ANKRD28: variants seen among roughly 807,000 people sequenced by gnomAD.
ANKRD28 encodes serine/threonine-protein phosphatase 6 regulatory ankyrin repeat subunit A.
In ANKRD28, 44 loss-of-function variants were observed where a neutral mutation model predicts 126.5. The ratio of observed to expected loss-of-function variants is 0.35; its 90% CI spans 0.27 to 0.45. The LOEUF (loss-of-function observed/expected upper bound fraction) is 0.45. Ranked by LOEUF, ANKRD28 falls within the 20% of genes least tolerant of loss-of-function variation. The pLI is 1.00. For missense variants in ANKRD28, 1,110 were observed against 1,316.6 expected, an observed-to-expected ratio of 0.84 and a Z score of 2.43; for synonymous variants, 442 against 468.5, an observed-to-expected ratio of 0.94 and a Z score of 0.73.
At chr3:15,704,809 T>C (rs1476603977) in intron 14 of ANKRD28, among the ~76,000 whole-genome samples, 3 of 152,166 alleles carry the variant, frequency 2.0e-5, no homozygotes, top group Non-Finnish European at 1.5e-5. Context: ...ATAATTACTG[T>C]GGCTTATATT....
At chr3:15,710,977 A>G (rs1323115389) in intron 12 of ANKRD28, among the ~76,000 whole-genome samples, 1 of 152,220 alleles carries the variant, frequency 6.6e-6, no homozygotes, top group Admixed American at 6.5e-5. Context: ...TACAGAAGGC[A>G]GTATTTCCTT....
intron 2 of ANKRD28, among the ~76,000 whole-genome samples, chr3:15,781,239 T>C (rs1325667400): frequency 6.6e-6 from 1 of 152,106 alleles, no homozygotes; most frequent in Non-Finnish European, 1.5e-5. Flanking sequence ...TAATTTTAGG[T>C]GTCCATCTGA....
At chr3:15,735,371 A>C (rs1243916788) in intron 6 of ANKRD28, 39 bp downstream of exon 6, 1 of 1,449,002 alleles carries the variant, frequency 6.9e-7, no homozygotes, top group Non-Finnish European at 9.4e-7. Flanking sequence ...AACTTTTCTA[A>C]ATATATAATA....
intron 1 of ANKRD28, among the ~76,000 whole-genome samples, chr3:15,857,265 C>CCATT (rs2061794009): frequency 6.6e-6 from 1 of 152,174 alleles, no homozygotes; most frequent in Non-Finnish European, 1.5e-5. Context: ...TCTCCCTGAG[C>CCATT]CATTAGGTTT....
At chr3:15,673,645 G>A (rs1374916938) in intron 27 of ANKRD28, among the ~76,000 whole-genome samples, 1 of 152,194 alleles carries the variant, frequency 6.6e-6, no homozygotes, top group African/African-American at 2.4e-5. Context: ...GTAAAGAATA[G>A]TTAGAATATG....
chr3:15,776,635 C>T (rs2059282708), intron 2 of ANKRD28, among the ~76,000 whole-genome samples: 1 of 152,172 alleles, frequency 6.6e-6, no homozygotes, highest in African/African-American at 2.4e-5. Flanking sequence ...AAGTTTTGAT[C>T]ATAAAGTGGT....
chr3:15,794,756 T>C (rs993382985), intron 2 of ANKRD28, among the ~76,000 whole-genome samples: 5 of 152,184 alleles, frequency 3.3e-5, no homozygotes, highest in Non-Finnish European at 7.3e-5. Flanking sequence ...ACACTCACCA[T>C]GATTATTTAC....
chr3:15,680,511 T>C (rs1488661623), intron 21 of ANKRD28, among the ~76,000 whole-genome samples: 1 of 151,996 alleles, frequency 6.6e-6, no homozygotes, highest in Non-Finnish European at 1.5e-5. Flanking sequence ...CCGGCTAAAA[T>C]CTTATTCTTT....
intron 2 of ANKRD28, among the ~76,000 whole-genome samples, chr3:15,795,010 A>C (rs1000098490): frequency 2.6e-5 from 4 of 152,110 alleles, no homozygotes; most frequent in Non-Finnish European, 4.4e-5. Flanking sequence ...AAAAATTTCA[A>C]AGTAAAAAGC....
chr3:15,741,970 T>C (rs1244288482), intron 4 of ANKRD28, among the ~76,000 whole-genome samples: 64 of 151,046 alleles, frequency 4.2e-4, no homozygotes, highest in African/African-American at 1.5e-3. Context: ...AGCTCCTAAC[T>C]GCGAGTGATC....
intron 2 of ANKRD28, among the ~76,000 whole-genome samples, chr3:15,786,514 G>T (rs1360679687): frequency 6.6e-6 from 1 of 152,084 alleles, no homozygotes; most frequent in African/African-American, 2.4e-5. Context: ...TCCTTTGGGA[G>T]CCATAGAAAT....
chr3:15,728,560 G>GT (rs1260852326), intron 6 of ANKRD28, among the ~76,000 whole-genome samples: 1 of 152,190 alleles, frequency 6.6e-6, no homozygotes, highest in Non-Finnish European at 1.5e-5. Flanking sequence ...CTCCCAAGAT[G>GT]TTAGGATTAC....
At position 15,700,112 on chromosome 3, in the gene ANKRD28, A is replaced by G. The variant is rs965325911; in HGVS notation, c.1548-3867T>C. Among the ~76,000 whole-genome samples the G allele has an allele frequency of 3.3e-5, 5 of 152,368 alleles. No homozygotes were observed. The South Asian group carries it at 1.0e-3, about 32-fold the overall frequency. On this transcript the variant is annotated intron_variant, in intron 14 of 27. Transcript: ENST00000683139. ...GACACAGATGAAGCTGGAAACCATC[A>G]TTCTCAGCAAACTATCACAAGATCA... is the stretch of plus-strand genomic sequence containing the variant.
intron 1 of ANKRD28, among the ~76,000 whole-genome samples, chr3:15,858,078 G>C (rs1296004639): frequency 6.6e-6 from 1 of 152,192 alleles, no homozygotes; most frequent in South Asian, 2.1e-4. Flanking sequence ...TCTGAAATGA[G>C]ATAAATGTTC....
chr3:15,739,920 C>T (rs1325676099), intron 4 of ANKRD28, among the ~76,000 whole-genome samples: 1 of 152,192 alleles, frequency 6.6e-6, no homozygotes, highest in Non-Finnish European at 1.5e-5. Flanking sequence ...AATTCCACAA[C>T]AGTGATTTAT....
At chr3:15,771,497 A>G (rs1172968532) in intron 2 of ANKRD28, among the ~76,000 whole-genome samples, 1 of 151,736 alleles carries the variant, frequency 6.6e-6, no homozygotes, top group Non-Finnish European at 1.5e-5. Flanking sequence ...GCAAAAGGAG[A>G]GCAGGGGTGT....
At chr3:15,794,431 C>T (rs918123069) in intron 2 of ANKRD28, among the ~76,000 whole-genome samples, 6 of 152,176 alleles carry the variant, frequency 3.9e-5, no homozygotes, top group Non-Finnish European at 4.4e-5. Context: ...GTTGCCACAG[C>T]GACTTTGTGA....
chr3:15,696,328 G>C, intron 14 of ANKRD28, 83 bp from the exon 15 acceptor site: 2 of 889,438 alleles, frequency 2.2e-6, no homozygotes, highest in Non-Finnish European at 3.4e-6. Context: ...ATTAAAAACT[G>C]ACAATTTTTC....
At chr3:15,748,645 T>C (rs945391631) in intron 4 of ANKRD28, among the ~76,000 whole-genome samples, 2 of 152,242 alleles carry the variant, frequency 1.3e-5, no homozygotes, top group African/African-American at 2.4e-5. Context: ...ATCTTGACTT[T>C]AGATAACTTG....
Sources: gnomAD v4.1 joint callset for allele counts (sites outside exome capture counted in the v4.1 genomes callset) on GRCh38, gnomAD v4.1.1 for gene constraint, MANE v1.5 for transcripts, NCBI Gene and HGNC (gene_info 2026-07-23, HGNC 2026-07-21) for gene names.